ITPR2: variants seen among roughly 807,000 people sequenced by gnomAD.
The protein encoded by ITPR2 is inositol 1,4,5-trisphosphate-gated calcium channel ITPR2.
In ITPR2, 207 loss-of-function variants were observed where a neutral mutation model predicts 317.1. The ratio of observed to expected loss-of-function variants is 0.65; its 90% confidence interval spans 0.58 to 0.73. The LOEUF (loss-of-function observed/expected upper bound fraction) is 0.73, where lower values mean the gene tolerates loss of function less well. Among genes scored for constraint, ITPR2 ranks in the 30% least tolerant of loss-of-function variants. The pLI is 0.00. For synonymous variants in ITPR2, 1,156 were observed against 1,149.1 expected (o/e 1.01, Z -0.12); for missense variants, 2,613 against 3,284.0 (o/e 0.80, Z 4.99).
intron 2 of ITPR2, among the ~76,000 whole-genome samples, chr12:26,768,569 T>C (rs371607616): frequency 6.9e-5 from 1 of 14,596 alleles, no homozygotes; most frequent in Non-Finnish European, 1.8e-4. Context: ...TACAAATATA[T>C]ATAAAAAAAA....
intron 49 of ITPR2, among the ~76,000 whole-genome samples, 167 bp downstream of exon 49, chr12:26,427,746 C>T (rs1249040944): frequency 6.6e-6 from 1 of 152,008 alleles, no homozygotes; most frequent in Non-Finnish European, 1.5e-5. Context: ...TTTTCTTTCA[C>T]TCAAAATTAA....
At chr12:26,523,305 C>T (rs939947082) in intron 37 of ITPR2, among the ~76,000 whole-genome samples, 11 of 152,140 alleles carry the variant, frequency 7.2e-5, no homozygotes, top group Non-Finnish European at 1.3e-4. Flanking sequence ...TATAATCTCA[C>T]AAAAAATTAA....
At position 26,678,139 on chromosome 12, in the gene ITPR2, G is replaced by A. The variant is rs550158103; in HGVS notation, c.1409+3735C>T. Among the ~76,000 whole-genome samples, 14 of 152,264 alleles carry A rather than the reference G, an allele frequency of 9.2e-5. 1 individual carries two copies. In the South Asian group the frequency reaches 2.7e-3, roughly 29 times the overall value. Reference sequence around the variant, plus strand: ...TTTGAGAGTAACCCCAGTATTTTGTGTACCCTCAGAGGTAAACATAGTGCA... The same window carrying A: ...TTTGAGAGTAACCCCAGTATTTTGTATACCCTCAGAGGTAAACATAGTGCA... On this transcript the variant is annotated intron_variant, in intron 13 of 56. Coordinates refer to ENST00000381340, the MANE Select transcript of ITPR2 (RefSeq NM_002223.4).
intron 45 of ITPR2, among the ~76,000 whole-genome samples, chr12:26,464,885 T>C (rs1419840605): frequency 6.6e-6 from 1 of 152,182 alleles, no homozygotes; most frequent in Non-Finnish European, 1.5e-5. Flanking sequence ...CTGGGGTATC[T>C]GAGTTGTACA....
At chr12:26,567,784 G>GA (rs1206123493) in intron 34 of ITPR2, among the ~76,000 whole-genome samples, 4 of 149,144 alleles carry the variant, frequency 2.7e-5, no homozygotes, top group South Asian at 2.1e-4. Flanking sequence ...AATTAAAGCA[G>GA]AAAAAACAAA....
chr12:26,500,946 C>T (rs1438673347), intron 37 of ITPR2, among the ~76,000 whole-genome samples: 1 of 152,096 alleles, frequency 6.6e-6, no homozygotes, highest in African/African-American at 2.4e-5. Flanking sequence ...TTCCCATCCC[C>T]TTAGAAAAAC....
chr12:26,634,547 G>A (rs1338862552), intron 21 of ITPR2, among the ~76,000 whole-genome samples: 1 of 152,136 alleles, frequency 6.6e-6, no homozygotes, highest in East Asian at 1.9e-4. Context: ...AGTGTAATGA[G>A]ATAATTTGAA....
At chr12:26,748,529 C>CT (rs1592093410) in intron 2 of ITPR2, among the ~76,000 whole-genome samples, 4 of 152,352 alleles carry the variant, frequency 2.6e-5, no homozygotes, top group Admixed American at 2.6e-4. Context: ...TTGCTCCTAT[C>CT]TGAATTTCAG....
At chr12:26,479,861 C>T (rs1942506896) in intron 43 of ITPR2, among the ~76,000 whole-genome samples, 3 of 152,070 alleles carry the variant, frequency 2.0e-5, no homozygotes, top group South Asian at 4.1e-4. Flanking sequence ...ATCACATGGG[C>T]CCAGGAGTTC....
At chr12:26,445,485 A>C (rs980092370) in intron 45 of ITPR2, among the ~76,000 whole-genome samples, 1 of 152,150 alleles carries the variant, frequency 6.6e-6, no homozygotes, top group Admixed American at 6.5e-5. Context: ...GACATCAGCA[A>C]ATTAGACTGA....
intron 55 of ITPR2, among the ~76,000 whole-genome samples, chr12:26,366,681 G>C (rs1007764355): frequency 3.3e-5 from 5 of 152,126 alleles, no homozygotes; most frequent in Non-Finnish European, 7.4e-5. Context: ...TGTACTTTAA[G>C]CAAATGTTCC....
In ITPR2 at chr12:26,566,550, A is replaced by T. The variant is rs549648078; in HGVS notation, c.4631-4598T>A. ...GGAGAGGAAAGAAGAGAGGAGAAGG[A>T]TAAGGAGGAGAGGAGAGGAAAAGGA... is the stretch of plus-strand genomic sequence containing the variant. On this transcript the variant is annotated intron_variant, in intron 34 of 56. Coordinates refer to ENST00000381340, the MANE Select transcript of ITPR2 (RefSeq NM_002223.4). 7.4e-5 allele frequency among the ~76,000 whole-genome samples: 11 copies of T among 147,832 alleles called. No homozygotes were observed. The East Asian group carries it at 1.2e-3, about 17-fold the overall frequency.
At position 26,605,126 on chromosome 12, in the gene ITPR2, A is replaced by AATATAT. The variant is rs71069256; in HGVS notation, c.3463-2426_3463-2421dup. Among the ~76,000 whole-genome samples, 188 of 136,322 alleles carry AATATAT rather than the reference A, an allele frequency of 1.4e-3. 2 individuals carry two copies. Among genetic ancestry groups the AATATAT allele is most frequent in the African/African-American group, 4.1e-3 (155 of 37,856 alleles). The allele number at this position is 136,322 out of a possible 152,430, so 89.4% of individuals were successfully genotyped here. A position where few individuals can be genotyped will look rare whatever the true frequency, so the allele number is the denominator to read the frequency against. ...ATAAAAATAAAAAATAAAAAATAAA[A>AATATAT]ATATATATATATATATGAGAAAGTG... is the stretch of plus-strand genomic sequence containing the variant. On this transcript the variant is annotated intron_variant, in intron 26 of 56. Transcript: ENST00000381340.
intron 45 of ITPR2, among the ~76,000 whole-genome samples, chr12:26,463,620 G>A (rs1451080702): frequency 6.6e-6 from 1 of 151,688 alleles, no homozygotes; most frequent in Non-Finnish European, 1.5e-5. Context: ...AGCTGAGATC[G>A]CACCACTGCA....
At chr12:26,393,783 G>GC (rs1215427038) in intron 54 of ITPR2, among the ~76,000 whole-genome samples, 1 of 152,114 alleles carries the variant, frequency 6.6e-6, no homozygotes, top group Non-Finnish European at 1.5e-5. Flanking sequence ...ATTCCTGTGG[G>GC]CAGCACTCCA....
chr12:26,546,141 C>A (rs1468229913), intron 37 of ITPR2, among the ~76,000 whole-genome samples: 1 of 151,704 alleles, frequency 6.6e-6, no homozygotes, highest in Non-Finnish European at 1.5e-5. Flanking sequence ...CTTTTTTGTT[C>A]TTATAAATTT....
intron 46 of ITPR2, among the ~76,000 whole-genome samples, chr12:26,443,155 C>T (rs1230511524): frequency 6.6e-6 from 1 of 152,132 alleles, no homozygotes; most frequent in Non-Finnish European, 1.5e-5. Context: ...GTTTACTCCA[C>T]TTGTGAATTG....
intron 37 of ITPR2, among the ~76,000 whole-genome samples, chr12:26,500,699 G>A (rs1337649108): frequency 2.6e-5 from 4 of 152,144 alleles, no homozygotes; most frequent in African/African-American, 9.7e-5. Context: ...GGAGGATTGG[G>A]TTTTTCCCAC....
chr12:26,400,207 A>G lies in ITPR2; in HGVS notation c.7451T>C (p.Met2484Thr). 4 of 1,607,536 alleles carry G rather than the reference A, an allele frequency of 2.5e-6. No homozygotes were observed. Among genetic ancestry groups the G allele is most frequent in the Non-Finnish European group, 3.4e-6 (4 of 1,175,486 alleles). Residue 2484 changes from methionine to threonine, a missense_variant, in exon 53 of 57, where the codon ATG becomes ACG. By Grantham distance (81) the Met-to-Thr change is moderately conservative. Transcript: ENST00000381340. ...CTGGTTCAGCACGGTGACAATGCAC[A>G]TAAGGAGAGTGTCACACGTCCTTTC... ...GIERTCDTLL[M>T]CIVTVLNQGL... is the part of the protein sequence containing the mutation.
Sources: allele counts gnomAD v4.1 joint callset (sites outside exome capture counted in the v4.1 genomes callset), GRCh38; gene constraint gnomAD v4.1.1; transcripts MANE v1.5; gene names NCBI Gene and HGNC (gene_info 2026-07-23, HGNC 2026-07-21).